The following TUSC3 variants were observed in gnomAD, a reference collection of about 807,000 sequenced individuals.
TUSC3 encodes the protein tumor suppressor candidate 3, also known as dolichyl-diphosphooligosaccharide--protein glycosyltransferase subunit TUSC3.
A neutral mutation model predicts 44.8 loss-of-function variants in TUSC3; 45 were observed. The observed-to-expected ratio is 1.00, with a 90% CI of 0.79 to 1.29. The LOEUF (loss-of-function observed/expected upper bound fraction) is 1.29. TUSC3 is among the 50% of genes most tolerant of loss of function. The pLI, the probability that TUSC3 is intolerant of heterozygous loss-of-function variation, is 0.00. For synonymous variants in TUSC3, 212 were observed against 152.9 expected, an observed-to-expected ratio of 1.39 and a Z score of -2.85; for missense variants, 519 against 437.9, an observed-to-expected ratio of 1.19 and a Z score of -1.65.
intron 2 of TUSC3, among the ~76,000 whole-genome samples, chr8:15,485,068 C>T (rs149848416): frequency 6.6e-6 from 1 of 152,246 alleles, no homozygotes; most frequent in East Asian, 1.9e-4. Flanking sequence ...TTTTCATTTG[C>T]ACTTTCAGTC....
At position 15,645,786 on chromosome 8, in the gene TUSC3, A is replaced by C. The variant is rs531986765; in HGVS notation, c.309-4911A>C. 1.1e-4 allele frequency among the ~76,000 whole-genome samples: 16 copies of C among 152,204 alleles called. No homozygotes were observed. In the East Asian group the frequency reaches 2.7e-3, roughly 26 times the overall value. ...AAACAGCATATGTTTGTGATAGTAC[A>C]CAGATGTAAAATTTCATTTTTTCTT... On this transcript the variant is annotated intron_variant, in intron 2 of 10. Coordinates refer to ENST00000503731, the MANE Select transcript of TUSC3 (RefSeq NM_006765.4).
chr8:15,662,560 T>A (rs1356519500), intron 5 of TUSC3, among the ~76,000 whole-genome samples: 1 of 152,022 alleles, frequency 6.6e-6, no homozygotes, highest in Admixed American at 6.6e-5. Flanking sequence ...TCTAGAAATA[T>A]GGTAAGACTT....
rs1406526713 is a variant in TUSC3, at chr8:15,459,877, TAC to T, written n.92-23507_92-23506del. Reference sequence around the variant, plus strand: ...GTGTATGTGTGTGTGTGTGTGTGTATACATACATACATACATACATACATACA... The same window carrying T: ...GTGTATGTGTGTGTGTGTGTGTGTATATACATACATACATACATACATACA... On this transcript the variant is annotated intron_variant and non_coding_transcript_variant, in intron 1 of 5. Coordinates refer to the TUSC3 transcript ENST00000503191. Among the ~76,000 whole-genome samples the T allele has an allele frequency of 2.2e-3, 319 of 141,806 alleles. 4 individuals are homozygous for T. The highest frequency in any genetic ancestry group is 8.4e-3 in the African/African-American group (280 of 33,276). 93.0% of individuals were successfully genotyped at this position (141,806 alleles called of 152,430 possible).
intron 2 of TUSC3, among the ~76,000 whole-genome samples, chr8:15,634,449 G>T (rs1243302351): frequency 6.6e-6 from 1 of 152,202 alleles, no homozygotes; most frequent in Non-Finnish European, 1.5e-5. Context: ...ATGGCCACAG[G>T]AGTGGGGCTG....
At chr8:15,507,795 G>A (rs1224471426) in intron 2 of TUSC3, among the ~76,000 whole-genome samples, 1 of 151,694 alleles carries the variant, frequency 6.6e-6, no homozygotes, top group Non-Finnish European at 1.5e-5. Context: ...GATGATGTAA[G>A]GAAAAAACTA....
the TUSC3 span, among the ~76,000 whole-genome samples, chr8:15,819,616 A>G: frequency 3.3e-5 from 5 of 151,310 alleles, no homozygotes; most frequent in Non-Finnish European, 5.9e-5. Context: ...TATGGTGGTG[A>G]AGTTTCTTAT....
At chr8:15,771,780 A>G in the TUSC3 span, among the ~76,000 whole-genome samples, 2 of 152,076 alleles carry the variant, frequency 1.3e-5, no homozygotes, top group Non-Finnish European at 2.9e-5. Flanking sequence ...TGTAGCTGGA[A>G]ATGTCTGTAT....
the TUSC3 span, among the ~76,000 whole-genome samples, chr8:15,813,017 C>T: frequency 6.6e-6 from 1 of 152,052 alleles, no homozygotes; most frequent in South Asian, 2.1e-4. Context: ...TCGCTTGAAC[C>T]TGGGAAGCAG....
intron 1 of TUSC3, among the ~76,000 whole-genome samples, chr8:15,549,854 C>T (rs758532705): frequency 1.3e-4 from 19 of 151,578 alleles, no homozygotes; most frequent in Non-Finnish European, 2.5e-4. Flanking sequence ...CAGGACGAGC[C>T]GCAGACAAGA....
chr8:15,802,169 C>A, the TUSC3 span, among the ~76,000 whole-genome samples: 2 of 152,128 alleles, frequency 1.3e-5, no homozygotes. Context: ...GAAGATGATT[C>A]ATTAAACATA....
At chr8:15,842,234 G>C in the TUSC3 span, among the ~76,000 whole-genome samples, 1 of 152,136 alleles carries the variant, frequency 6.6e-6, no homozygotes, top group African/African-American at 2.4e-5. Context: ...GAATCCTTCC[G>C]ACTTGGGTTA....
At chr8:15,479,832 A>G (rs1183172710) in intron 1 of TUSC3, among the ~76,000 whole-genome samples, 5 of 152,192 alleles carry the variant, frequency 3.3e-5, no homozygotes, top group Admixed American at 2.0e-4. Context: ...AATAAAGCGT[A>G]TTCAAATAAG....
chr8:15,510,362 G>A (rs1349057426), intron 2 of TUSC3, among the ~76,000 whole-genome samples: 1 of 151,962 alleles, frequency 6.6e-6, no homozygotes, highest in African/African-American at 2.4e-5. Context: ...GACTGATCAG[G>A]GAAAGAAGAG....
At chr8:15,493,616 T>A (rs1191174107) in intron 2 of TUSC3, among the ~76,000 whole-genome samples, 1 of 152,150 alleles carries the variant, frequency 6.6e-6, no homozygotes, top group African/African-American at 2.4e-5. Flanking sequence ...CATTTGGTAC[T>A]GGAACTATAC....
intron 9 of TUSC3, among the ~76,000 whole-genome samples, chr8:15,752,885 A>T (rs1030060610): frequency 6.6e-6 from 1 of 152,002 alleles, no homozygotes; most frequent in African/African-American, 2.4e-5. Context: ...TGGCCTCTTC[A>T]ATTCTTGTGA....
intron 1 of TUSC3, among the ~76,000 whole-genome samples, chr8:15,423,969 G>GC: frequency 1.4e-5 from 1 of 70,394 alleles, no homozygotes; most frequent in South Asian, 4.7e-4. Flanking sequence ...GTTTTGCTTT[G>GC]TTTTTTTTTT....
intron 1 of TUSC3, among the ~76,000 whole-genome samples, chr8:15,446,469 C>G (rs186250974): frequency 6.6e-6 from 1 of 152,088 alleles, no homozygotes; most frequent in Admixed American, 6.5e-5. Context: ...ACTCCGTCTG[C>G]AATCCCGGCA....
chr8:15,423,815 T>A (rs372932080), intron 1 of TUSC3, among the ~76,000 whole-genome samples: 1 of 152,076 alleles, frequency 6.6e-6, no homozygotes, highest in South Asian at 2.1e-4. Context: ...TCTCGCTGTC[T>A]GGAGCCCTCA....
intron 1 of TUSC3, among the ~76,000 whole-genome samples, chr8:15,590,259 A>G (rs1188815207): frequency 8.5e-5 from 13 of 152,140 alleles, no homozygotes; most frequent in Admixed American, 8.5e-4. Context: ...TAAGTCTTTA[A>G]TTTTGCAGAT....
Sources: gnomAD v4.1 joint callset for allele counts (sites outside exome capture counted in the v4.1 genomes callset) on GRCh38, gnomAD v4.1.1 for gene constraint, MANE v1.5 for transcripts, NCBI Gene and HGNC (gene_info 2026-07-23, HGNC 2026-07-21) for gene names.